ANKRD44: variants seen among roughly 807,000 people sequenced by gnomAD.
ANKRD44 encodes the protein ankyrin repeat domain 44.
ANKRD44 carries 35 observed loss-of-function variants against 116.0 expected under a neutral mutation model. The observed-to-expected ratio is 0.30, with a 90% confidence interval of 0.23 to 0.40. ANKRD44 has a LOEUF of 0.40. Ranked by LOEUF, ANKRD44 falls within the 10% of genes least tolerant of loss-of-function variation. The pLI, the probability that ANKRD44 is intolerant of heterozygous loss-of-function variation, is 1.00. For missense variants in ANKRD44, 1,014 were observed against 1,242.6 expected (o/e 0.82, Z 2.77); for synonymous variants, 435 against 461.8 (o/e 0.94, Z 0.74).
At chr2:197,114,960 C>T (rs567151069) in intron 8 of ANKRD44, among the ~76,000 whole-genome samples, 17 of 152,308 alleles carry the variant, frequency 1.1e-4, no homozygotes, top group African/African-American at 3.6e-4. Flanking sequence ...ACTTCTCCAA[C>T]GTTCTAAGTA....
intron 1 of ANKRD44, among the ~76,000 whole-genome samples, chr2:197,227,694 T>C (rs1280755708): frequency 6.6e-6 from 1 of 152,174 alleles, no homozygotes; most frequent in Non-Finnish European, 1.5e-5. Flanking sequence ...GAATGATCAC[T>C]GGACCAGGAA....
In ANKRD44 at chr2:197,263,343, G is replaced by GT. The variant is rs2082658302; in HGVS notation, c.27+47234_27+47235insA. 12 of 534,978 alleles carry GT rather than the reference G, an allele frequency of 2.2e-5. 1 individual carries two copies. Among genetic ancestry groups the GT allele is most frequent in the Admixed American group, 1.4e-4 (5 of 35,174 alleles). The allele number at this position is 534,978 out of a possible 1,614,324, so 33.1% of individuals were successfully genotyped here. ...ACAACAGCCAAGTTCATTGGGGCTG[G>GT]GGCGCCACAGTTGGGGTGGCGGGCT... On this transcript the variant is annotated intron_variant, in intron 1 of 27. Coordinates refer to ENST00000282272, the MANE Select transcript of ANKRD44 (RefSeq NM_001195144.2).
chr2:197,250,334 T>C (rs2082287319), intron 1 of ANKRD44, among the ~76,000 whole-genome samples: 1 of 152,192 alleles, frequency 6.6e-6, no homozygotes, highest in Non-Finnish European at 1.5e-5. Flanking sequence ...CTGTTTCTTA[T>C]AAGGGAGGAA....
chr2:197,167,558 T>C (rs971529241), intron 2 of ANKRD44, among the ~76,000 whole-genome samples: 1 of 152,200 alleles, frequency 6.6e-6, no homozygotes, highest in Admixed American at 6.5e-5. Context: ...AAGAAAATAC[T>C]GTGTATTGTT....
chr2:197,219,048 C>T (rs2081521797), intron 1 of ANKRD44, among the ~76,000 whole-genome samples: 1 of 149,508 alleles, frequency 6.7e-6, no homozygotes, highest in Non-Finnish European at 1.5e-5. Flanking sequence ...CAAGTGTGAG[C>T]CACCATGCCT....
chr2:196,991,464 T>C (rs750185782), intron 27 of ANKRD44, among the ~76,000 whole-genome samples: 4 of 152,178 alleles, frequency 2.6e-5, no homozygotes, highest in African/African-American at 4.8e-5. Context: ...TTATATATGC[T>C]TCATAGAAAA....
chr2:197,241,147 G>A (rs1347289229), intron 1 of ANKRD44, among the ~76,000 whole-genome samples: 3 of 152,072 alleles, frequency 2.0e-5, no homozygotes, highest in Admixed American at 2.0e-4. Context: ...AATTAAAGGG[G>A]AATGTCCTAT....
chr2:197,029,748 CT>C, intron 16 of ANKRD44: 1 of 285,950 alleles, frequency 3.5e-6, no homozygotes, highest in Non-Finnish European at 6.9e-6. Flanking sequence ...AGGCATAGAT[CT>C]TTTTGATATC....
At chr2:197,163,418 G>C (rs939695900) in intron 2 of ANKRD44, among the ~76,000 whole-genome samples, 1 of 152,230 alleles carries the variant, frequency 6.6e-6, no homozygotes, top group Non-Finnish European at 1.5e-5. Flanking sequence ...GGGAGGCCAA[G>C]TGGCTTGTTG....
At chr2:197,249,148 C>G (rs2082262103) in intron 1 of ANKRD44, among the ~76,000 whole-genome samples, 1 of 152,156 alleles carries the variant, frequency 6.6e-6, no homozygotes. Flanking sequence ...TGGTGCACAC[C>G]TGAAGACCCA....
At chr2:196,977,462 C>T (rs2075768521) in intron 21 of ANKRD44, among the ~76,000 whole-genome samples, 1 of 152,166 alleles carries the variant, frequency 6.6e-6, no homozygotes, top group Non-Finnish European at 1.5e-5. Context: ...TGATAAGGGA[C>T]TTGTATTCAG....
At chr2:197,079,824 T>C (rs1385222214) in intron 15 of ANKRD44, among the ~76,000 whole-genome samples, 3 of 152,168 alleles carry the variant, frequency 2.0e-5, no homozygotes, top group Non-Finnish European at 4.4e-5. Context: ...CATTTACCTA[T>C]CTTTTGGTAT....
intron 1 of ANKRD44, among the ~76,000 whole-genome samples, chr2:197,226,670 A>C (rs2081724153): frequency 6.6e-6 from 1 of 152,020 alleles, no homozygotes; most frequent in African/African-American, 2.4e-5. Context: ...TCAAAAAAAA[A>C]AGTTTCCCTG....
intron 1 of ANKRD44, among the ~76,000 whole-genome samples, chr2:197,300,249 G>C (rs2083859097): frequency 6.6e-6 from 1 of 152,166 alleles, no homozygotes; most frequent in East Asian, 1.9e-4. Context: ...TTTGCAAATT[G>C]GATATTTCCT....
Position 197,086,602 on chromosome 2 carries a change from A to G in ANKRD44, c.1316+78T>C, listed in dbSNP as rs1234756310. ...GCTAACTTCCCGGTTTACCATTTCAACCTAACTTGATTACTACATAGACCA... is the reference window on the plus strand; with the variant it reads ...GCTAACTTCCCGGTTTACCATTTCAGCCTAACTTGATTACTACATAGACCA... On this transcript the variant is annotated intron_variant, in intron 13 of 27. Coordinates refer to ENST00000282272, the MANE Select transcript of ANKRD44 (RefSeq NM_001195144.2). 2.2e-5 allele frequency: 31 copies of G among 1,393,060 alleles called. No homozygotes were observed. In the South Asian group the frequency reaches 2.5e-4, roughly 11 times the overall value. 86.3% of individuals were successfully genotyped at this position (1,393,060 alleles called of 1,614,324 possible).
chr2:197,068,992 T>C (rs1402913577), intron 16 of ANKRD44, among the ~76,000 whole-genome samples: 1 of 152,198 alleles, frequency 6.6e-6, no homozygotes, highest in East Asian at 1.9e-4. Flanking sequence ...TAAAGACACA[T>C]GCACACATAT....
chr2:197,300,466 T>C (rs1448267341), intron 1 of ANKRD44, among the ~76,000 whole-genome samples: 2 of 152,170 alleles, frequency 1.3e-5, no homozygotes, highest in African/African-American at 4.8e-5. Context: ...CCCTAATCAA[T>C]ACCCCTAAGC....
intron 16 of ANKRD44, among the ~76,000 whole-genome samples, chr2:197,027,843 T>C (rs2076626764): frequency 1.3e-5 from 2 of 152,002 alleles, no homozygotes; most frequent in South Asian, 4.2e-4. Context: ...CCACCATGCC[T>C]GGCTAACTTT....
chr2:197,300,757 CCTTTTT>C (rs2083880738), intron 1 of ANKRD44, among the ~76,000 whole-genome samples: 1 of 144,610 alleles, frequency 6.9e-6, no homozygotes, highest in African/African-American at 2.6e-5. Context: ...TTTTCATTTT[CCTTTTT>C]TTTTTTTTTT....
Sources: allele counts gnomAD v4.1 joint callset (sites outside exome capture counted in the v4.1 genomes callset), GRCh38; gene constraint gnomAD v4.1.1; transcripts MANE v1.5; gene names NCBI Gene and HGNC (gene_info 2026-07-23, HGNC 2026-07-21).